Variants in ADAM10 observed in about 807,000 individuals in gnomAD.
ADAM10 encodes ADAM metallopeptidase domain 10.
A neutral mutation model predicts 90.1 loss-of-function variants in ADAM10; 17 were observed. The ratio of observed to expected loss-of-function variants is 0.19; its 90% confidence interval spans 0.13 to 0.28. The LOEUF is 0.28. Ranked by LOEUF, ADAM10 falls within the 10% of genes least tolerant of loss-of-function variation. The probability of loss-of-function intolerance (pLI) is 1.00; values close to 1 mark genes in which losing one functional copy is unlikely to be tolerated. For synonymous variants in ADAM10, 310 were observed against 298.6 expected (o/e 1.04, Z -0.40); for missense variants, 610 against 914.3 (o/e 0.67, Z 4.29).
intron 2 of ADAM10, among the ~76,000 whole-genome samples, chr15:58,693,322 C>T (rs1384512101): frequency 6.6e-6 from 1 of 152,196 alleles, no homozygotes; most frequent in East Asian, 1.9e-4. Flanking sequence ...TTTCATTCTT[C>T]AATTTACTGT....
intron 11 of ADAM10, among the ~76,000 whole-genome samples, chr15:58,615,943 G>A (rs1895598173): frequency 6.6e-6 from 1 of 152,118 alleles, no homozygotes; most frequent in African/African-American, 2.4e-5. Context: ...GGGAGGCGCA[G>A]GTTGCAGTGA....
At chr15:58,711,574 T>C (rs1276234910) in intron 2 of ADAM10, among the ~76,000 whole-genome samples, 7 of 152,142 alleles carry the variant, frequency 4.6e-5, no homozygotes, top group Admixed American at 2.6e-4. Context: ...CTTTACTAAG[T>C]GGCTTCCTAC....
At chr15:58,622,773 A>G (rs1895824906) in intron 10 of ADAM10, among the ~76,000 whole-genome samples, 1 of 152,238 alleles carries the variant, frequency 6.6e-6, no homozygotes, top group African/African-American at 2.4e-5. Context: ...AATGGAATTT[A>G]AAATTGGAAT....
rs1448408036 is a variant in ADAM10 at position 58,621,566 on chromosome 15, A to G, written c.1416T>C (p.Asp472=). The G allele has an allele frequency of 7.4e-6, 12 of 1,614,134 alleles. No individual in the cohort carries two copies. The highest frequency in any genetic ancestry group is 1.3e-5 in the African/African-American group (1 of 75,050). The change falls in exon 11 of 16, where the codon GAT becomes GAC. Residue 472 remains aspartate, a synonymous_variant. Coordinates refer to ENST00000260408, the MANE Select transcript of ADAM10 (RefSeq NM_001110.4). ...CTTTACACTGGTCACTATAGCCACA[A>G]TCACATTCTTCACCTTGTTCTACCA... ...NGMVEQGEEC[D]CGYSDQCKDE...
At chr15:58,730,755 C>G (rs1289841102) in intron 1 of ADAM10, among the ~76,000 whole-genome samples, 1 of 152,088 alleles carries the variant, frequency 6.6e-6, no homozygotes, top group African/African-American at 2.4e-5. Context: ...GGTGGGCTGA[C>G]TGGGGAAGAT....
At chr15:58,719,908 C>T (rs1307101510) in intron 1 of ADAM10, among the ~76,000 whole-genome samples, 2 of 152,142 alleles carry the variant, frequency 1.3e-5, no homozygotes, top group African/African-American at 2.4e-5. Context: ...AGAGAGCCTA[C>T]CAAAGAGGCA....
chr15:58,714,292 TACACACACACAC>T (rs71116591), intron 2 of ADAM10, among the ~76,000 whole-genome samples: 5 of 142,912 alleles, frequency 3.5e-5, no homozygotes, highest in Non-Finnish European at 6.1e-5. Flanking sequence ...TACATACACA[TACACACACACAC>T]ACACACACAC....
intron 10 of ADAM10, among the ~76,000 whole-genome samples, chr15:58,622,405 TG>T (rs1895812483): frequency 6.6e-6 from 1 of 152,252 alleles, no homozygotes; most frequent in South Asian, 2.1e-4. Context: ...GGTTGCTTTT[TG>T]ACAGGTCTCT....
intron 4 of ADAM10, among the ~76,000 whole-genome samples, chr15:58,677,340 A>G (rs537608773): frequency 1.3e-5 from 2 of 152,226 alleles, no homozygotes; most frequent in South Asian, 2.1e-4. Context: ...ATAAAAGCTG[A>G]TATCAATGAT....
At chr15:58,748,941 T>C (rs1899882991) in intron 1 of ADAM10, 4 of 397,950 alleles carry the variant, frequency 1.0e-5, no homozygotes, top group Admixed American at 4.4e-5. Context: ...TAAAGAACAA[T>C]ACACGAGCCC....
chr15:58,709,287 G>A (rs1218300521), intron 2 of ADAM10, among the ~76,000 whole-genome samples: 1 of 151,994 alleles, frequency 6.6e-6, no homozygotes, highest in African/African-American at 2.4e-5. Flanking sequence ...TCTGAGCTAG[G>A]GTACTTATCT....
intron 5 of ADAM10, among the ~76,000 whole-genome samples, chr15:58,658,361 T>C (rs1896883441): frequency 1.3e-5 from 2 of 152,232 alleles, no homozygotes; most frequent in Admixed American, 1.3e-4. Flanking sequence ...CCTACATGTT[T>C]ACCCTTAGGT....
At chr15:58,721,960 G>A (rs1331274301) in intron 1 of ADAM10, among the ~76,000 whole-genome samples, 4 of 152,072 alleles carry the variant, frequency 2.6e-5, no homozygotes, top group Non-Finnish European at 4.4e-5. Context: ...CCCGGGAGGC[G>A]AAGGTTACGG....
At chr15:58,653,524 T>C (rs895863414) in intron 5 of ADAM10, among the ~76,000 whole-genome samples, 4 of 152,204 alleles carry the variant, frequency 2.6e-5, no homozygotes, top group African/African-American at 9.6e-5. Flanking sequence ...ACTGACTGAT[T>C]TGCATACGTT....
chr15:58,685,671 T>C (rs1264900794), intron 2 of ADAM10, among the ~76,000 whole-genome samples: 1 of 150,642 alleles, frequency 6.6e-6, no homozygotes, highest in East Asian at 1.9e-4. Flanking sequence ...TCTTGACAGA[T>C]ACACAATAAA....
At chr15:58,701,183 T>C (rs1388802895) in intron 2 of ADAM10, among the ~76,000 whole-genome samples, 1 of 151,768 alleles carries the variant, frequency 6.6e-6, no homozygotes. Context: ...AAGAAAATAT[T>C]TGCAAACTAT....
rs1394155138 is a variant in ADAM10, at chr15:58,597,320, G to C, written c.*227C>G. 3.4e-6 allele frequency: 5 copies of C among 1,450,034 alleles called. No individual in the cohort carries two copies. The African/African-American group carries it at 7.1e-5, about 21-fold the overall frequency. The allele number at this position is 1,450,034 out of a possible 1,614,324, so 89.8% of individuals were successfully genotyped here. Reference sequence around the variant, plus strand: ...TTGTGCCATTAAGTTAAAAATATCTGTTCATAAGAAAATTGGGTTCCTTTT... The same window carrying C: ...TTGTGCCATTAAGTTAAAAATATCTCTTCATAAGAAAATTGGGTTCCTTTT... On this transcript the variant is annotated 3_prime_UTR_variant, in exon 16 of 16. Coordinates refer to ENST00000260408, the MANE Select transcript of ADAM10 (RefSeq NM_001110.4).
rs1276689020 is a variant in ADAM10 at position 58,717,624 on chromosome 15, G to A, written c.159C>T (p.Val53=). The change falls in exon 2 of 16, where the codon GTC becomes GTT. Residue 53 remains valine, a synonymous_variant. Coordinates refer to ENST00000260408, the MANE Select transcript of ADAM10 (RefSeq NM_001110.4). ...HQKHQRAKRA[V]SHEDQFLRLD... is the part of the protein sequence containing the mutation. ...GACGTAAAAATTGGTCTTCATGTGA[G>A]ACTGCTCTTTTGGCACGCTGGTGTT... The A allele has an allele frequency of 6.2e-7, 1 of 1,613,754 alleles. No individual in the cohort carries two copies. Among genetic ancestry groups the A allele is most frequent in the African/African-American group, 1.3e-5 (1 of 74,888 alleles).
chr15:58,744,721 CA>C (rs753410485), intron 1 of ADAM10, among the ~76,000 whole-genome samples: 3 of 152,100 alleles, frequency 2.0e-5, no homozygotes, highest in Non-Finnish European at 2.9e-5. Flanking sequence ...CAAAAACACC[CA>C]AAACTGGCCA....
Sources: gnomAD v4.1 joint callset for allele counts (sites outside exome capture counted in the v4.1 genomes callset) on GRCh38, gnomAD v4.1.1 for gene constraint, MANE v1.5 for transcripts, NCBI Gene and HGNC (gene_info 2026-07-23, HGNC 2026-07-21) for gene names.